Variants in NAP1L1 observed in about 807,000 individuals in gnomAD.
NAP1L1 encodes nucleosome assembly protein 1-like 1.
Under a neutral mutation model 58.9 loss-of-function variants are expected in NAP1L1, and 9 were observed. That is an observed-to-expected ratio of 0.15 (90% CI 0.09 to 0.27). The LOEUF is 0.27. Among genes scored for constraint, NAP1L1 ranks in the 10% least tolerant of loss-of-function variants. NAP1L1 has a pLI of 1.00. For missense variants in NAP1L1, 302 were observed against 458.8 expected, an observed-to-expected ratio of 0.66 and a Z score of 3.12; for synonymous variants, 130 against 138.3, an observed-to-expected ratio of 0.94 and a Z score of 0.42.
rs1950089785 is a variant in NAP1L1, at chr12:76,074,189, T to A, written c.17+14A>T. On this transcript the variant is annotated intron_variant, in intron 2 of 14. Transcript: ENST00000618691. ...GCCAAATCTCTGAAAAAGAACCAAC[T>A]CTCTGCCACTTACTTGTCAATGTCT... is the stretch of plus-strand genomic sequence containing the variant. 6 of 1,591,762 alleles carry A rather than the reference T, an allele frequency of 3.8e-6. No homozygotes were observed. In the East Asian group the frequency reaches 1.4e-4, roughly 36 times the overall value.
intron 2 of NAP1L1, among the ~76,000 whole-genome samples, chr12:76,070,383 C>T (rs1024770079): frequency 4.6e-5 from 7 of 152,184 alleles, no homozygotes; most frequent in Non-Finnish European, 2.9e-5. Flanking sequence ...CCTGGGATTA[C>T]AGGCATAAGC....
intron 6 of NAP1L1, chr12:76,057,941 C>A: frequency 9.3e-7 from 1 of 1,080,680 alleles, no homozygotes; most frequent in Non-Finnish European, 1.4e-6. Flanking sequence ...GGCCTTGTAA[C>A]TTTTGAAATT....
chr12:76,068,858 A>G, intron 3 of NAP1L1, 51 bp downstream of exon 3: 2 of 1,337,242 alleles, frequency 1.5e-6, no homozygotes, highest in Non-Finnish European at 2.1e-6. Flanking sequence ...ACTACCCTCT[A>G]GTAGACATGT....
chr12:76,084,201 G>A (rs1370044542), intron 1 of NAP1L1: 1 of 152,018 alleles, frequency 6.6e-6, no homozygotes, highest in Non-Finnish European at 1.5e-5. Context: ...CCCGTACGCC[G>A]GGGGCCTCCC....
chr12:76,050,797 TGAG>T, intron 11 of NAP1L1, 144 bp from the exon 12 acceptor site: 1 of 810,828 alleles, frequency 1.2e-6, no homozygotes, highest in Non-Finnish European at 1.9e-6. Flanking sequence ...GAGGATCACT[TGAG>T]CCCAGAAGTT....
intron 11 of NAP1L1, among the ~76,000 whole-genome samples, chr12:76,051,398 TAGA>T (rs999364352): frequency 1.3e-5 from 2 of 151,696 alleles, no homozygotes; most frequent in African/African-American, 2.4e-5. Flanking sequence ...ACATAGCAAA[TAGA>T]AGGACATAAT....
Position 76,037,241 on chromosome 12 carries a change from T to A in NAP1L1, c.*11188A>T, listed in dbSNP as rs908207029. ...CACAGAACTATCCAGACTTCTTAGGTGGGTGTCCAGAGCTGCCTTCCTTTT... is the reference window on the plus strand; with the variant it reads ...CACAGAACTATCCAGACTTCTTAGGAGGGTGTCCAGAGCTGCCTTCCTTTT... On this transcript the variant is annotated 3_prime_UTR_variant, in exon 15 of 15. Coordinates refer to ENST00000618691, the MANE Select transcript of NAP1L1 (RefSeq NM_004537.7). The A allele has an allele frequency of 6.6e-6, 1 of 152,282 alleles. No individual in the cohort carries two copies. The highest frequency in any genetic ancestry group is 1.5e-5 in the Non-Finnish European group (1 of 68,084). 9.4% of individuals were successfully genotyped at this position (152,282 alleles called of 1,614,324 possible). A position where few individuals can be genotyped will look rare whatever the true frequency, so the allele number is the denominator to read the frequency against.
chr12:76,053,702 C>A, intron 9 of NAP1L1, 68 bp downstream of exon 9: 1 of 1,529,788 alleles, frequency 6.5e-7, no homozygotes, highest in Non-Finnish European at 8.9e-7. Context: ...TGAAAATAAC[C>A]GAGTATACAA....
chr12:76,047,598 G>A lies in NAP1L1; in HGVS notation c.*831C>T, dbSNP rs1948642755. On this transcript the variant is annotated 3_prime_UTR_variant, in exon 15 of 15. Transcript: ENST00000618691. Reference sequence around the variant, plus strand: ...ACATTATCTTGTAAGAACTAAAATTGTATTTGAAATTTTTATTTTAGCTGC... The same window carrying A: ...ACATTATCTTGTAAGAACTAAAATTATATTTGAAATTTTTATTTTAGCTGC... The A allele has an allele frequency of 6.6e-6, 1 of 151,766 alleles. No individual in the cohort carries two copies. Among genetic ancestry groups the A allele is most frequent in the African/African-American group, 2.4e-5 (1 of 41,342 alleles). 9.4% of individuals were successfully genotyped at this position (151,766 alleles called of 1,614,324 possible).
Position 76,076,549 on chromosome 12 carries a change from A to AATATATATATATAT in NAP1L1, c.-20-2324_-20-2311dup, listed in dbSNP as rs58649228. Among the ~76,000 whole-genome samples, 590 of 120,212 alleles carry AATATATATATATAT rather than the reference A, an allele frequency of 4.9e-3. 12 individuals carry two copies. The highest frequency in any genetic ancestry group is 6.6e-3 in the Non-Finnish European group (381 of 57,876). 78.9% of individuals were successfully genotyped at this position (120,212 alleles called of 152,430 possible). The stretch of plus-strand genomic sequence containing the variant: ...TGCCGAAATCCCCTTTGGATATGGA[A>AATATATATATATAT]ATATATATATATATATATATATATA... On this transcript the variant is annotated intron_variant, in intron 1 of 14. Transcript: ENST00000618691.
intron 4 of NAP1L1, among the ~76,000 whole-genome samples, chr12:76,065,929 C>T (rs976861530): frequency 1.3e-5 from 2 of 150,784 alleles, no homozygotes; most frequent in African/African-American, 4.9e-5. Context: ...TGACAAGAGA[C>T]AAAGACCAAT....
chr12:76,048,601 A>AT (rs1948683290), intron 14 of NAP1L1, 137 bp from the exon 15 acceptor site: 1 of 779,168 alleles, frequency 1.3e-6, no homozygotes, highest in Non-Finnish European at 2.1e-6. Context: ...GTGGTAAATT[A>AT]TTTATTTTAT....
intron 12 of NAP1L1, 58 bp from the exon 13 acceptor site, chr12:76,049,843 C>T: frequency 6.4e-7 from 1 of 1,571,156 alleles, no homozygotes; most frequent in South Asian, 1.1e-5. Flanking sequence ...TTCAGAGTAG[C>T]ATCAGTAACA....
chr12:76,073,115 T>C (rs1950032039), intron 2 of NAP1L1, among the ~76,000 whole-genome samples: 1 of 152,082 alleles, frequency 6.6e-6, no homozygotes, highest in African/African-American at 2.4e-5. Context: ...CTCTTCTCGT[T>C]TTTTTTAATG....
At chr12:76,075,546 T>C (rs958280880) in intron 1 of NAP1L1, among the ~76,000 whole-genome samples, 1 of 152,214 alleles carries the variant, frequency 6.6e-6, no homozygotes, top group African/African-American at 2.4e-5. Context: ...AAAATTATTC[T>C]TCCTAATGTA....
chr12:76,070,515 T>C (rs1431238037), intron 2 of NAP1L1, among the ~76,000 whole-genome samples: 6 of 152,242 alleles, frequency 3.9e-5, no homozygotes, highest in Non-Finnish European at 8.8e-5. Flanking sequence ...CTCTCGTGTC[T>C]TTAATCAATT....
chr12:76,060,102 G>A (rs1401722186), intron 5 of NAP1L1, 36 bp downstream of exon 5: 6 of 1,591,276 alleles, frequency 3.8e-6, no homozygotes, highest in Admixed American at 1.7e-5. Context: ...TCGTCTTCTA[G>A]AATGTTAAAT....
rs1948772689 is a variant in NAP1L1 at position 76,050,656 on chromosome 12, A to AT, written c.937-4dup. 1.3e-6 allele frequency: 2 copies of AT among 1,593,232 alleles called. No homozygotes were observed. Among genetic ancestry groups the AT allele is most frequent in the Non-Finnish European group, 8.5e-7 (1 of 1,174,726 alleles). On this transcript the variant is annotated splice_polypyrimidine_tract_variant and splice_region_variant and intron_variant, in intron 11 of 14. Coordinates refer to ENST00000618691, the MANE Select transcript of NAP1L1 (RefSeq NM_004537.7). ...AGGATAGCTTCAGCATCATCATCCT[A>AT]TTTTTAAAGGAAAACAAAAGCAGAA...
rs576704128 is a variant in NAP1L1 at position 76,060,029 on chromosome 12, A to G, written c.348+109T>C. ...ATAGTTCCTCCAAGTGCTGCCTCTA[A>G]TAACAATTTCAATGAGAGTTCTAAA... On this transcript the variant is annotated intron_variant, in intron 5 of 14. Coordinates refer to ENST00000618691, the MANE Select transcript of NAP1L1 (RefSeq NM_004537.7). 3.0e-4 allele frequency: 389 copies of G among 1,288,894 alleles called. 1 individual carries two copies. In the South Asian group the frequency reaches 4.9e-3, roughly 16 times the overall value. 79.8% of individuals were successfully genotyped at this position (1,288,894 alleles called of 1,614,324 possible). A position where few individuals can be genotyped will look rare whatever the true frequency, so the allele number is the denominator to read the frequency against.
Sources: gnomAD v4.1 joint callset for allele counts (sites outside exome capture counted in the v4.1 genomes callset) on GRCh38, gnomAD v4.1.1 for gene constraint, MANE v1.5 for transcripts, NCBI Gene and HGNC (gene_info 2026-07-23, HGNC 2026-07-21) for gene names.